Variants in OCRL observed in about 807,000 individuals in gnomAD.
OCRL encodes OCRL inositol polyphosphate-5-phosphatase.
A neutral mutation model predicts 78.9 loss-of-function variants in OCRL; 8 were observed. That is an observed-to-expected ratio of 0.10 (90% CI 0.06 to 0.18). The LOEUF is 0.18. Ranked by LOEUF, OCRL falls within the 10% of genes least tolerant of loss-of-function variation. The probability of loss-of-function intolerance (pLI) is 1.00; values close to 1 mark genes in which losing one functional copy is unlikely to be tolerated. For missense variants in OCRL, 454 were observed against 696.7 expected, an observed-to-expected ratio of 0.65 and a Z score of 3.92; for synonymous variants, 240 against 235.4, an observed-to-expected ratio of 1.02 and a Z score of -0.18.
At chrX:129,559,093 A>G (rs1277199866) in intron 8 of OCRL, 92 bp downstream of exon 8, 1 of 840,736 alleles carries the variant, frequency 1.2e-6, no homozygotes, top group Non-Finnish European at 1.7e-6. Flanking sequence ...CTAATTAAGA[A>G]TCAAAATATG....
At chrX:129,557,266 G>T (rs1936067255) in intron 4 of OCRL, 59 bp from the exon 5 acceptor site, 2 of 979,791 alleles carry the variant, frequency 2.0e-6, no homozygotes, top group Non-Finnish European at 2.9e-6. Context: ...TTGAGAATAT[G>T]ATCCCAGTAA....
At chrX:129,549,105 T>TA (rs1047168383) in intron 4 of OCRL, among the ~76,000 whole-genome samples, 7 of 108,138 alleles carry the variant, frequency 6.5e-5, no homozygotes, top group African/African-American at 6.7e-5. Context: ...GGCATTCCTT[T>TA]AAAAAAAAAA....
At chrX:129,552,528 T>C (rs777089652) in intron 4 of OCRL, among the ~76,000 whole-genome samples, 16 of 111,837 alleles carry the variant, frequency 1.4e-4, no homozygotes, top group Non-Finnish European at 2.5e-4. Flanking sequence ...GGGTTGAAGC[T>C]ATTCCCCTGC....
chrX:129,588,510 G>A (rs925465237), intron 21 of OCRL, among the ~76,000 whole-genome samples: 2 of 111,817 alleles, frequency 1.8e-5, no homozygotes, highest in East Asian at 2.8e-4. Context: ...GGACATAGAA[G>A]CCACAGCACT....
In OCRL at chrX:129,578,118, G is replaced by A. The variant is rs1327900149; in HGVS notation, c.2115+1566G>A. Reference sequence around the variant, plus strand: ...AGTGGTAATATGTCACTTCACCACTGAACACTTCAGCCTGCATCTCTTAAC... The same window carrying A: ...AGTGGTAATATGTCACTTCACCACTAAACACTTCAGCCTGCATCTCTTAAC... On this transcript the variant is annotated intron_variant, in intron 18 of 23. Coordinates refer to ENST00000371113, the MANE Select transcript of OCRL (RefSeq NM_000276.4). Among the ~76,000 whole-genome samples the A allele has an allele frequency of 2.7e-5, 3 of 111,446 alleles. No individual in the cohort carries two copies. In the East Asian group the frequency reaches 8.5e-4, roughly 32 times the overall value.
At position 129,561,303 on chromosome X, in the gene OCRL, A is replaced by G. The variant is rs763669907; in HGVS notation, c.939+10A>G. 5 of 1,058,932 alleles carry G rather than the reference A, an allele frequency of 4.7e-6. No homozygotes were observed. The African/African-American group carries it at 9.2e-5, about 19-fold the overall frequency. 87.3% of individuals were successfully genotyped at this position (1,058,932 alleles called of 1,213,427 possible). On this transcript the variant is annotated intron_variant, in intron 10 of 23. Coordinates refer to ENST00000371113, the MANE Select transcript of OCRL (RefSeq NM_000276.4). ...AGCCAAGTATAAGAAAGTAAGCCGCATTTAATTATCTTTTTAAGTGTATGA... is the reference window on the plus strand; with the variant it reads ...AGCCAAGTATAAGAAAGTAAGCCGCGTTTAATTATCTTTTTAAGTGTATGA...
rs767160020 is a variant in OCRL, at chrX:129,560,221, C to T, written c.723-329C>T. 1.3e-3 allele frequency among the ~76,000 whole-genome samples: 141 copies of T among 112,288 alleles called. 1 individual carries two copies. The highest frequency in any genetic ancestry group is 1.9e-3 in the Non-Finnish European group (102 of 53,209). On this transcript the variant is annotated intron_variant, in intron 8 of 23. Coordinates refer to ENST00000371113, the MANE Select transcript of OCRL (RefSeq NM_000276.4). ...ACTAGCTTACAGCATGAAGATACCTCTTTCCCATCCATAAGCTCTCCTATC... is the reference window on the plus strand; with the variant it reads ...ACTAGCTTACAGCATGAAGATACCTTTTTCCCATCCATAAGCTCTCCTATC...
At chrX:129,587,761 A>C (rs1292621668) in intron 20 of OCRL, among the ~76,000 whole-genome samples, 1 of 108,807 alleles carries the variant, frequency 9.2e-6, no homozygotes, top group Non-Finnish European at 1.9e-5. Context: ...TAGGCCAGGC[A>C]TGGTGGCTCA....
rs1821394211 is a variant in OCRL at position 129,587,076 on chromosome X, C to T, written c.2214C>T (p.Ile738=). 5 of 1,204,885 alleles carry T rather than the reference C, an allele frequency of 4.1e-6. No homozygotes were observed. The highest frequency in any genetic ancestry group is 2.2e-5 in the Admixed American group (1 of 45,773). ...GACCCCTTCAGGTTCCCAAGGAGAT[C>T]TGGCTTCTAGTAGATCACCTATTCA... is the stretch of plus-strand genomic sequence containing the variant. ...SERPLQVPKE[I]WLLVDHLFKY... The change falls in exon 20 of 24, where the codon ATC becomes ATT. Residue 738 remains isoleucine (I), a synonymous_variant. Coordinates refer to ENST00000371113, the MANE Select transcript of OCRL (RefSeq NM_000276.4).
chrX:129,546,070 CT>C (rs200998782), intron 3 of OCRL, among the ~76,000 whole-genome samples: 14 of 110,726 alleles, frequency 1.3e-4, no homozygotes, highest in South Asian at 7.5e-4. Context: ...CTACATTGAA[CT>C]TTTTTTTTAA....
intron 4 of OCRL, among the ~76,000 whole-genome samples, chrX:129,552,168 A>G (rs1330015780): frequency 8.9e-6 from 1 of 111,970 alleles, no homozygotes; most frequent in Non-Finnish European, 1.9e-5. Flanking sequence ...GGCTGTTTCC[A>G]TAGTGTAAGC....
intron 6 of OCRL, 38 bp downstream of exon 6, chrX:129,557,988 A>G (rs375604776): frequency 1.3e-5 from 11 of 875,792 alleles, no homozygotes; most frequent in Non-Finnish European, 1.7e-5. Flanking sequence ...TGCTATGGTC[A>G]TTGCAGAGTC....
intron 13 of OCRL, among the ~76,000 whole-genome samples, chrX:129,566,609 A>G (rs1395193685): frequency 1.8e-5 from 2 of 112,500 alleles, no homozygotes; most frequent in African/African-American, 6.5e-5. Flanking sequence ...TTTTGACTTC[A>G]TTCGAATAAT....
chrX:129,568,087 G>A (rs761667461), intron 14 of OCRL, among the ~76,000 whole-genome samples: 1 of 109,195 alleles, frequency 9.2e-6, no homozygotes, highest in South Asian at 4.0e-4. Context: ...CTAATTTTTT[G>A]TATTTTTTTT....
At chrX:129,560,788 G>T in intron 9 of OCRL, 137 bp downstream of exon 9, 1 of 456,658 alleles carries the variant, frequency 2.2e-6, no homozygotes, top group Non-Finnish European at 3.9e-6. Context: ...GGTCAAATTT[G>T]TGAGAACAGA....
chrX:129,546,612 A>G (rs1935881961), intron 3 of OCRL, among the ~76,000 whole-genome samples: 1 of 112,229 alleles, frequency 8.9e-6, no homozygotes, highest in Admixed American at 9.4e-5. Context: ...CAAGGTAGCC[A>G]CGTTCCATAG....
intron 18 of OCRL, among the ~76,000 whole-genome samples, chrX:129,581,820 T>C (rs1936443674): frequency 1.1e-5 from 1 of 94,022 alleles, no homozygotes; most frequent in Admixed American, 1.2e-4. Flanking sequence ...CTTTGAATGA[T>C]CCCTTTGTCT....
chrX:129,572,610 C>T (rs1244918662), intron 15 of OCRL, among the ~76,000 whole-genome samples: 1 of 112,579 alleles, frequency 8.9e-6, no homozygotes, highest in African/African-American at 3.2e-5. Context: ...GCACCGTGGC[C>T]AATTAATTTC....
At chrX:129,580,282 G>C (rs1376524884) in intron 18 of OCRL, among the ~76,000 whole-genome samples, 2 of 112,199 alleles carry the variant, frequency 1.8e-5, no homozygotes, top group Non-Finnish European at 1.9e-5. Context: ...CAGGCTTAGA[G>C]GACATCTTGA....
Sources: gnomAD v4.1 joint callset for allele counts (sites outside exome capture counted in the v4.1 genomes callset) on GRCh38, gnomAD v4.1.1 for gene constraint, MANE v1.5 for transcripts, NCBI Gene and HGNC (gene_info 2026-07-23, HGNC 2026-07-21) for gene names.